ATRNL1: variants seen among roughly 807,000 people sequenced by gnomAD.
The protein encoded by ATRNL1 is attractin like 1, also known as attractin-like protein 1.
A neutral mutation model predicts 182.7 loss-of-function variants in ATRNL1; 95 were observed. That is an observed-to-expected ratio of 0.52 (90% CI 0.44 to 0.62). The LOEUF is 0.62. Among genes scored for constraint, ATRNL1 ranks in the 20% least tolerant of loss-of-function variants. The pLI is 0.00. For missense variants in ATRNL1, 1,471 were observed against 1,679.5 expected (o/e 0.88, Z 2.17); for synonymous variants, 576 against 568.3 (o/e 1.01, Z -0.19).
intron 11 of ATRNL1, 37 bp from the exon 12 acceptor site, chr10:115,266,760 T>C (rs1453419456): frequency 2.3e-6 from 3 of 1,283,896 alleles, no homozygotes; most frequent in East Asian, 4.7e-5. Context: ...GGACTTTTAA[T>C]AGCGTTTCTT....
chr10:115,742,894 T>G (rs1948178803), intron 27 of ATRNL1, among the ~76,000 whole-genome samples: 1 of 152,058 alleles, frequency 6.6e-6, no homozygotes, highest in South Asian at 2.1e-4. Flanking sequence ...ACTGGGTAAT[T>G]TACAAAGGAA....
intron 13 of ATRNL1, 93 bp downstream of exon 13, chr10:115,268,537 C>A: frequency 1.2e-6 from 1 of 838,266 alleles, no homozygotes; most frequent in Non-Finnish European, 2.0e-6. Flanking sequence ...AGAAAAAAAG[C>A]ACTTTACACA....
chr10:115,419,078 G>A (rs1481085414), intron 20 of ATRNL1, among the ~76,000 whole-genome samples: 1 of 152,138 alleles, frequency 6.6e-6, no homozygotes, highest in Non-Finnish European at 1.5e-5. Context: ...ACAATAATTT[G>A]TTAAGAGATA....
chr10:115,637,390 T>C (rs996557736), intron 26 of ATRNL1, among the ~76,000 whole-genome samples: 3 of 152,172 alleles, frequency 2.0e-5, no homozygotes, highest in South Asian at 2.1e-4. Context: ...TCTGTCTTAG[T>C]TTTTTTAAAA....
At chr10:115,939,283 A>C (rs1555123623) in intron 28 of ATRNL1, among the ~76,000 whole-genome samples, 1 of 152,178 alleles carries the variant, frequency 6.6e-6, no homozygotes, top group African/African-American at 2.4e-5. Context: ...GCCCTAGGTG[A>C]ACCAGAGCAG....
rs1410468329 is a variant in ATRNL1, at chr10:115,915,353, G to A, written c.4019-29305G>A. 4.0e-5 allele frequency among the ~76,000 whole-genome samples: 6 copies of A among 151,704 alleles called. No individual in the cohort carries two copies. In the East Asian group the frequency reaches 5.8e-4, roughly 15 times the overall value. ...GCGGAGCTTGCAGTGAGCGGAGATCGCGCCACTGCACTCCAGCCTAGGCAA... is the reference window on the plus strand; with the variant it reads ...GCGGAGCTTGCAGTGAGCGGAGATCACGCCACTGCACTCCAGCCTAGGCAA... On this transcript the variant is annotated intron_variant, in intron 28 of 28. Coordinates refer to ENST00000355044, the MANE Select transcript of ATRNL1 (RefSeq NM_207303.4).
intron 9 of ATRNL1, among the ~76,000 whole-genome samples, chr10:115,226,542 A>G (rs1382376670): frequency 6.7e-6 from 1 of 149,744 alleles, no homozygotes; most frequent in Non-Finnish European, 1.5e-5. Context: ...CAGACTACCA[A>G]TGTCATTCTT....
intron 9 of ATRNL1, among the ~76,000 whole-genome samples, chr10:115,238,171 G>T (rs1850265028): frequency 6.6e-6 from 1 of 152,184 alleles, no homozygotes; most frequent in South Asian, 2.1e-4. Context: ...GCCAGGTGAT[G>T]TCAATCTTTG....
intron 10 of ATRNL1, among the ~76,000 whole-genome samples, chr10:115,255,075 T>C (rs1554906409): frequency 6.6e-6 from 1 of 152,226 alleles, no homozygotes; most frequent in Admixed American, 6.5e-5. Flanking sequence ...GGCATGATCC[T>C]CCAGCTTTGT....
Position 115,642,771 on chromosome 10 carries a change from T to G in ATRNL1, c.3796-84477T>G, listed in dbSNP as rs1468059910. On this transcript the variant is annotated intron_variant, in intron 26 of 28. Coordinates refer to ENST00000355044, the MANE Select transcript of ATRNL1 (RefSeq NM_207303.4). ...ATTCTAATGTATTTTTATGAATTAG[T>G]AGGCTGATAAAATTTATATGGAAAT... Among the ~76,000 whole-genome samples, 5 of 152,302 alleles carry G rather than the reference T, an allele frequency of 3.3e-5. No homozygotes were observed. The South Asian group carries it at 8.3e-4, about 25-fold the overall frequency.
At chr10:115,431,349 G>A (rs551805905) in intron 21 of ATRNL1, among the ~76,000 whole-genome samples, 5 of 151,024 alleles carry the variant, frequency 3.3e-5, no homozygotes, top group East Asian at 1.9e-4. Context: ...TGGAGGTTGC[G>A]GAGAACTGAG....
intron 1 of ATRNL1, among the ~76,000 whole-genome samples, chr10:115,119,102 A>G (rs532258971): frequency 4.1e-4 from 62 of 152,278 alleles, no homozygotes; most frequent in African/African-American, 1.4e-3. Flanking sequence ...TATTACATTT[A>G]TTTGAGAATA....
At chr10:115,541,966 A>G (rs1361790066) in intron 25 of ATRNL1, among the ~76,000 whole-genome samples, 1 of 152,182 alleles carries the variant, frequency 6.6e-6, no homozygotes, top group East Asian at 1.9e-4. Flanking sequence ...TTTTCAAAAT[A>G]ATTAAAATTT....
At chr10:115,378,808 T>G (rs1303208073) in intron 19 of ATRNL1, among the ~76,000 whole-genome samples, 5 of 152,234 alleles carry the variant, frequency 3.3e-5, no homozygotes, top group African/African-American at 1.2e-4. Context: ...ATCTAATCTA[T>G]AACATATCTA....
chr10:115,297,231 G>A (rs1036228685), intron 15 of ATRNL1, among the ~76,000 whole-genome samples: 5 of 152,188 alleles, frequency 3.3e-5, no homozygotes, highest in Non-Finnish European at 7.3e-5. Context: ...TTTGAAGAAT[G>A]TGACAAGGTG....
chr10:115,538,033 C>A (rs1297082061), intron 25 of ATRNL1, among the ~76,000 whole-genome samples: 2 of 152,116 alleles, frequency 1.3e-5, no homozygotes, highest in African/African-American at 4.8e-5. Context: ...TATCAATAGT[C>A]CATTTCATTT....
intron 4 of ATRNL1, among the ~76,000 whole-genome samples, 199 bp from the exon 5 acceptor site, chr10:115,129,128 A>G (rs1328261769): frequency 6.6e-6 from 1 of 152,220 alleles, no homozygotes; most frequent in African/African-American, 2.4e-5. Context: ...TGAATAAAAT[A>G]AGACCAACTG....
intron 27 of ATRNL1, among the ~76,000 whole-genome samples, chr10:115,756,891 G>A (rs1255400978): frequency 6.6e-6 from 1 of 152,076 alleles, no homozygotes. Flanking sequence ...TCTTCTTGTT[G>A]CATTGATCCC....
intron 26 of ATRNL1, among the ~76,000 whole-genome samples, chr10:115,654,882 C>T (rs1555035359): frequency 6.6e-6 from 1 of 152,134 alleles, no homozygotes; most frequent in African/African-American, 2.4e-5. Flanking sequence ...GATGCTGTGC[C>T]AGTTTCTTAG....
Sources: allele counts gnomAD v4.1 joint callset (sites outside exome capture counted in the v4.1 genomes callset), GRCh38; gene constraint gnomAD v4.1.1; transcripts MANE v1.5; gene names NCBI Gene and HGNC (gene_info 2026-07-23, HGNC 2026-07-21).